The following NELL1 variants were observed in gnomAD, a reference collection of about 807,000 sequenced individuals.
NELL1 encodes neural EGFL like 1.
A neutral mutation model predicts 107.4 loss-of-function variants in NELL1; 76 were observed. That is an observed-to-expected ratio of 0.71 (90% CI 0.59 to 0.86). The LOEUF is 0.86. Among genes scored for constraint, NELL1 ranks in the 40% least tolerant of loss-of-function variants. The pLI, the probability that NELL1 is intolerant of heterozygous loss-of-function variation, is 0.00. For missense variants in NELL1, 1,024 were observed against 1,005.5 expected, an observed-to-expected ratio of 1.02 and a Z score of -0.25; for synonymous variants, 353 against 341.2, an observed-to-expected ratio of 1.03 and a Z score of -0.38.
At chr11:20,781,949 GGAGATCGCTT>G (rs1221931460) in intron 2 of NELL1, among the ~76,000 whole-genome samples, 1 of 151,216 alleles carries the variant, frequency 6.6e-6, no homozygotes, top group Non-Finnish European at 1.5e-5. Context: ...GGCTGAAGTG[GGAGATCGCTT>G]GAGCCCGGGA....
intron 10 of NELL1, among the ~76,000 whole-genome samples, chr11:20,944,120 G>A (rs1055260293): frequency 6.6e-6 from 1 of 152,054 alleles, no homozygotes; most frequent in African/African-American, 2.4e-5. Context: ...CATCTAAAAT[G>A]GTATTATGAA....
intron 12 of NELL1, among the ~76,000 whole-genome samples, chr11:21,084,009 G>A (rs374849383): frequency 2.0e-5 from 3 of 152,088 alleles, no homozygotes; most frequent in East Asian, 3.9e-4. Context: ...GATGGTGTAG[G>A]CTGCACTTGG....
chr11:21,331,557 G>A (rs1363147128), intron 14 of NELL1, among the ~76,000 whole-genome samples: 2 of 151,982 alleles, frequency 1.3e-5, no homozygotes, highest in East Asian at 1.9e-4. Context: ...TGGTCTTGCT[G>A]GTAAACTGCC....
At chr11:21,411,197 A>T (rs1262494731) in intron 15 of NELL1, among the ~76,000 whole-genome samples, 1 of 152,106 alleles carries the variant, frequency 6.6e-6, no homozygotes, top group Non-Finnish European at 1.5e-5. Context: ...AAAGTTCTCT[A>T]GTGTAATGTC....
intron 12 of NELL1, among the ~76,000 whole-genome samples, chr11:21,081,072 C>G (rs769522246): frequency 6.6e-6 from 1 of 151,992 alleles, no homozygotes; most frequent in East Asian, 1.9e-4. Context: ...GTTGTCAATT[C>G]TTTATCCACA....
intron 3 of NELL1, among the ~76,000 whole-genome samples, chr11:20,805,397 C>T (rs1415387279): frequency 6.6e-6 from 1 of 151,802 alleles, no homozygotes; most frequent in East Asian, 1.9e-4. Context: ...TTTTTCCTGT[C>T]TTCCTTTTAG....
chr11:20,759,769 T>C (rs1333387850), intron 2 of NELL1, among the ~76,000 whole-genome samples: 1 of 152,188 alleles, frequency 6.6e-6, no homozygotes, highest in East Asian at 1.9e-4. Context: ...TCTTTAGAGA[T>C]ACTGTTGGAG....
At chr11:21,122,442 G>A (rs1000719714) in intron 13 of NELL1, among the ~76,000 whole-genome samples, 5 of 152,022 alleles carry the variant, frequency 3.3e-5, no homozygotes, top group South Asian at 2.1e-4. Context: ...TATTTCTATC[G>A]TAAAGACATG....
intron 15 of NELL1, among the ~76,000 whole-genome samples, chr11:21,392,095 T>G (rs1398670847): frequency 6.6e-6 from 1 of 151,832 alleles, no homozygotes; most frequent in Non-Finnish European, 1.5e-5. Context: ...TTTGTAAATT[T>G]TTAATTAATA....
intron 2 of NELL1, among the ~76,000 whole-genome samples, chr11:20,708,162 C>T (rs2680987): frequency 0.19 from 29,528 of 152,244 alleles, 3,174 homozygotes; most frequent in African/African-American, 0.25. Context: ...AGGATATAAT[C>T]TCCTAATGTG....
chr11:21,518,278 G>T (rs754846726), intron 15 of NELL1, among the ~76,000 whole-genome samples: 2 of 151,850 alleles, frequency 1.3e-5, no homozygotes, highest in East Asian at 1.9e-4. Flanking sequence ...CAACATGAAA[G>T]AATTTTTCTC....
chr11:21,488,308 A>G (rs1854697236), intron 15 of NELL1, among the ~76,000 whole-genome samples: 1 of 152,104 alleles, frequency 6.6e-6, no homozygotes, highest in South Asian at 2.1e-4. Flanking sequence ...AAAAAAAAAA[A>G]GAAATAAACT....
At chr11:20,972,697 T>C (rs1041842148) in intron 12 of NELL1, among the ~76,000 whole-genome samples, 3 of 152,112 alleles carry the variant, frequency 2.0e-5, no homozygotes, top group Non-Finnish European at 4.4e-5. Context: ...TTGGGAGGCA[T>C]TGTAGGCCTT....
chr11:21,478,331 C>A (rs1297511235), intron 15 of NELL1, among the ~76,000 whole-genome samples: 1 of 152,104 alleles, frequency 6.6e-6, no homozygotes, highest in Non-Finnish European at 1.5e-5. Flanking sequence ...AAGGCCAAAC[C>A]ATATCATTCT....
chr11:20,721,307 G>T (rs1007925255), intron 2 of NELL1, among the ~76,000 whole-genome samples: 1 of 150,086 alleles, frequency 6.7e-6, no homozygotes, highest in Non-Finnish European at 1.5e-5. Context: ...TACGAATTTT[G>T]TATCAACAGG....
At chr11:21,356,085 A>G (rs1386994285) in intron 14 of NELL1, among the ~76,000 whole-genome samples, 1 of 152,000 alleles carries the variant, frequency 6.6e-6, no homozygotes, top group Non-Finnish European at 1.5e-5. Context: ...CACACTTCCC[A>G]CACTGTGTCT....
chr11:21,317,391 A>G (rs1018277306), intron 14 of NELL1, among the ~76,000 whole-genome samples: 7 of 544 alleles, frequency 0.013, no homozygotes, highest in Admixed American at 0.081. Context: ...TCCTTAGGAT[A>G]TATTCATCAA....
At chr11:20,874,303 G>A (rs1224192442) in intron 4 of NELL1, among the ~76,000 whole-genome samples, 6 of 152,114 alleles carry the variant, frequency 3.9e-5, no homozygotes, top group Non-Finnish European at 7.4e-5. Context: ...CCTGACCTCA[G>A]GTGATCCACC....
chr11:21,539,203 G>A (rs1856225186), intron 16 of NELL1, among the ~76,000 whole-genome samples: 1 of 152,082 alleles, frequency 6.6e-6, no homozygotes, highest in Non-Finnish European at 1.5e-5. Flanking sequence ...ATGGGAGGGA[G>A]AGTATACAGA....
Sources: allele counts gnomAD v4.1 joint callset (sites outside exome capture counted in the v4.1 genomes callset), GRCh38; gene constraint gnomAD v4.1.1; transcripts MANE v1.5; gene names NCBI Gene and HGNC (gene_info 2026-07-23, HGNC 2026-07-21).